The following METAP1D variants were observed in gnomAD, a reference collection of about 807,000 sequenced individuals.
METAP1D encodes methionine aminopeptidase 1D, mitochondrial.
Under a neutral mutation model 40.5 loss-of-function variants are expected in METAP1D, and 31 were observed. The observed-to-expected ratio is 0.77, with a 90% CI of 0.58 to 1.03. METAP1D has a LOEUF of 1.03. Ranked by LOEUF, METAP1D falls within the 50% of genes least tolerant of loss-of-function variation. METAP1D has a pLI of 0.00. For missense variants in METAP1D, 411 were observed against 420.7 expected (o/e 0.98, Z 0.20); for synonymous variants, 151 against 146.4 (o/e 1.03, Z -0.22).
chr2:172,001,789 A>G (rs62183784), intron 1 of METAP1D, among the ~76,000 whole-genome samples: 65,026 of 151,800 alleles, frequency 0.43, 15,505 homozygotes, highest in Middle Eastern at 0.59. Flanking sequence ...GCCAATTTAC[A>G]TCTCTCAAGA....
chr2:172,024,633 G>T (rs1689082469), intron 1 of METAP1D, among the ~76,000 whole-genome samples: 1 of 152,072 alleles, frequency 6.6e-6, no homozygotes. Flanking sequence ...GAATGAAAAT[G>T]GGCTTTTGGT....
chr2:172,066,127 A>C, intron 4 of METAP1D, 137 bp from the exon 5 acceptor site: 1 of 674,048 alleles, frequency 1.5e-6, no homozygotes, highest in Admixed American at 3.2e-5. Flanking sequence ...AGATTTAGTT[A>C]TCCTGTGTAG....
chr2:172,005,520 T>TTATATATATATATATATATATA lies in METAP1D; in HGVS notation c.40+5515_40+5536dup, dbSNP rs34982215. ...AGTAGTATTCCATGGTGTCTGTATT[T>TTATATATATATATATATATATA]TATATATATATATATATATATATAT... On this transcript the variant is annotated intron_variant, in intron 1 of 9. Coordinates refer to ENST00000315796, the MANE Select transcript of METAP1D (RefSeq NM_199227.3). Among the ~76,000 whole-genome samples the TTATATATATATATATATATATA allele has an allele frequency of 8.4e-4, 93 of 110,912 alleles. 1 individual carries two copies. Among genetic ancestry groups the TTATATATATATATATATATATA allele is most frequent in the Admixed American group, 1.6e-3 (15 of 9,236 alleles). 72.8% of individuals were successfully genotyped at this position (110,912 alleles called of 152,430 possible).
At chr2:172,010,442 A>C (rs1574087770) in intron 1 of METAP1D, among the ~76,000 whole-genome samples, 1 of 79,232 alleles carries the variant, frequency 1.3e-5, no homozygotes, top group South Asian at 4.3e-4. Flanking sequence ...CACTGCACCC[A>C]GCCCTTTTTT....
At chr2:172,005,072 A>G (rs915410432) in intron 1 of METAP1D, among the ~76,000 whole-genome samples, 1 of 151,274 alleles carries the variant, frequency 6.6e-6, no homozygotes, top group Admixed American at 6.6e-5. Context: ...ACACCACCAC[A>G]CCCAGCTAAT....
At chr2:172,046,888 A>T (rs576622972) in intron 1 of METAP1D, among the ~76,000 whole-genome samples, 1 of 152,238 alleles carries the variant, frequency 6.6e-6, no homozygotes, top group Non-Finnish European at 1.5e-5. Context: ...TTGTAAGGAC[A>T]TCATTTGCAC....
chr2:172,060,853 T>A (rs1690123841), intron 1 of METAP1D, among the ~76,000 whole-genome samples: 1 of 152,264 alleles, frequency 6.6e-6, no homozygotes, highest in African/African-American at 2.4e-5. Flanking sequence ...TCCTAGGAGA[T>A]GAACTGCTGA....
At chr2:172,033,380 A>C (rs1689285607) in intron 1 of METAP1D, among the ~76,000 whole-genome samples, 1 of 151,356 alleles carries the variant, frequency 6.6e-6, no homozygotes, top group Non-Finnish European at 1.5e-5. Flanking sequence ...TTGAGACGGA[A>C]TCTCACTCTG....
intron 1 of METAP1D, among the ~76,000 whole-genome samples, chr2:172,032,147 T>TC (rs990331622): frequency 4.6e-5 from 7 of 152,152 alleles, no homozygotes; most frequent in African/African-American, 1.7e-4. Flanking sequence ...GTTGAGTTTT[T>TC]CCCCCTTTAA....
chr2:172,059,796 A>G (rs1202095254), intron 1 of METAP1D, among the ~76,000 whole-genome samples: 1 of 152,226 alleles, frequency 6.6e-6, no homozygotes, highest in Non-Finnish European at 1.5e-5. Flanking sequence ...TACGCCCGTA[A>G]TCCCAGCACT....
At chr2:172,027,053 T>A (rs932348475) in intron 1 of METAP1D, among the ~76,000 whole-genome samples, 4 of 152,170 alleles carry the variant, frequency 2.6e-5, no homozygotes, top group African/African-American at 9.7e-5. Context: ...AGGTTGGATA[T>A]GCCAAGATTA....
At chr2:172,011,442 G>A (rs928102382) in intron 1 of METAP1D, among the ~76,000 whole-genome samples, 2 of 151,872 alleles carry the variant, frequency 1.3e-5, no homozygotes, top group South Asian at 2.1e-4. Flanking sequence ...CCGCCACCAC[G>A]CCCAGCTAAT....
chr2:172,061,590 CAA>C lies in METAP1D; in HGVS notation c.135_136del (p.Asp47TyrfsTer19), dbSNP rs752272258. 5.6e-6 allele frequency: 9 copies of C among 1,613,802 alleles called. No individual in the cohort carries two copies. The highest frequency in any genetic ancestry group is 5.0e-5 in the Admixed American group (3 of 59,972). On this transcript the variant is annotated frameshift_variant, in exon 2 of 10. Transcript: ENST00000315796. LOFTEE classifies it high-confidence loss of function. ...QQRRNFFFRR[Q>X]RDISHSIVLP... Reference sequence around the variant, plus strand: ...AAGAAGAAATTTCTTTTTTCGGAGACAAAGAGATATTTCACACAGTATAGTTT... The same window carrying C: ...AAGAAGAAATTTCTTTTTTCGGAGACAGAGATATTTCACACAGTATAGTTT...
intron 1 of METAP1D, among the ~76,000 whole-genome samples, chr2:172,021,440 C>T (rs1689006442): frequency 6.6e-6 from 1 of 152,178 alleles, no homozygotes; most frequent in African/African-American, 2.4e-5. Context: ...GCAGAGTAAG[C>T]TAAACGAGTG....
intron 1 of METAP1D, among the ~76,000 whole-genome samples, chr2:172,024,526 A>G (rs918377493): frequency 6.6e-6 from 1 of 152,076 alleles, no homozygotes; most frequent in Non-Finnish European, 1.5e-5. Context: ...GGCCTCCAGA[A>G]CCCTAACCAT....
intron 1 of METAP1D, among the ~76,000 whole-genome samples, chr2:172,050,408 TAAA>T (rs907872216): frequency 4.6e-5 from 7 of 151,796 alleles, no homozygotes; most frequent in Non-Finnish European, 7.4e-5. Context: ...TTTTAAGAAT[TAAA>T]GAAGGATTTT....
intron 1 of METAP1D, among the ~76,000 whole-genome samples, chr2:172,023,377 T>A (rs960220090): frequency 6.6e-6 from 1 of 152,196 alleles, no homozygotes; most frequent in Non-Finnish European, 1.5e-5. Context: ...CTTCCTGGCC[T>A]AAGTTACCCC....
At chr2:172,062,659 G>A (rs977151537) in intron 2 of METAP1D, among the ~76,000 whole-genome samples, 3 of 146,594 alleles carry the variant, frequency 2.0e-5, no homozygotes, top group South Asian at 2.1e-4. Flanking sequence ...CATTTGTGGT[G>A]TAGCTGTGGG....
intron 1 of METAP1D, among the ~76,000 whole-genome samples, chr2:172,060,318 A>T (rs955275666): frequency 2.6e-5 from 4 of 151,230 alleles, no homozygotes; most frequent in Non-Finnish European, 4.4e-5. Context: ...CAAGAGGCTG[A>T]AGTGGGAGGA....
Sources: gnomAD v4.1 joint callset for allele counts (sites outside exome capture counted in the v4.1 genomes callset) on GRCh38, gnomAD v4.1.1 for gene constraint, MANE v1.5 for transcripts, NCBI Gene and HGNC (gene_info 2026-07-23, HGNC 2026-07-21) for gene names.